The following TRPS1 variants were observed in gnomAD, a reference collection of about 807,000 sequenced individuals.
TRPS1 encodes the protein transcriptional repressor GATA binding 1, also known as zinc finger transcription factor Trps1.
TRPS1 carries 6 observed loss-of-function variants against 101.2 expected under a neutral mutation model. That is an observed-to-expected ratio of 0.06 (90% confidence interval 0.03 to 0.12). TRPS1 has a LOEUF of 0.12. TRPS1 is among the 10% of genes least tolerant of loss of function. The pLI is 1.00. For missense variants in TRPS1, 1,363 were observed against 1,567.0 expected (o/e 0.87, Z 2.20); for synonymous variants, 578 against 589.8 (o/e 0.98, Z 0.29).
chr8:115,447,549 TACAA>T, intron 5 of TRPS1, among the ~76,000 whole-genome samples: 1 of 152,268 alleles, frequency 6.6e-6, no homozygotes. Context: ...TAAATGTGAG[TACAA>T]ACAATTACCA....
At chr8:115,456,845 TA>T (rs1210693956) in intron 5 of TRPS1, among the ~76,000 whole-genome samples, 1 of 152,084 alleles carries the variant, frequency 6.6e-6, no homozygotes, top group Non-Finnish European at 1.5e-5. Context: ...AGAAATTTGC[TA>T]AAGAGAATGA....
chr8:115,486,372 G>A (rs1196957402), intron 5 of TRPS1, among the ~76,000 whole-genome samples: 1 of 152,092 alleles, frequency 6.6e-6, no homozygotes, highest in Non-Finnish European at 1.5e-5. Flanking sequence ...CCTGAGATAT[G>A]ACAATATTGA....
At chr8:115,650,183 T>C (rs183245637) in intron 1 of TRPS1, among the ~76,000 whole-genome samples, 1 of 152,362 alleles carries the variant, frequency 6.6e-6, no homozygotes, top group East Asian at 1.9e-4. Flanking sequence ...TGAAACTGTT[T>C]CTACTGTGGC....
intron 5 of TRPS1, among the ~76,000 whole-genome samples, chr8:115,486,343 T>C (rs1454289887): frequency 6.6e-6 from 1 of 152,168 alleles, no homozygotes; most frequent in Non-Finnish European, 1.5e-5. Context: ...TCTCTCCCTC[T>C]CCAAGGGTCT....
chr8:115,588,915 C>T (rs968442666), intron 4 of TRPS1, among the ~76,000 whole-genome samples: 2 of 152,152 alleles, frequency 1.3e-5, no homozygotes, highest in East Asian at 1.9e-4. Flanking sequence ...CTTAGAGTCT[C>T]GTCAGGAATG....
chr8:115,500,925 A>G (rs16887503), intron 5 of TRPS1, among the ~76,000 whole-genome samples: 5,575 of 152,206 alleles, frequency 0.037, 377 homozygotes, highest in African/African-American at 0.13. Context: ...ATTCTTGACA[A>G]TGATAAGGAA....
intron 1 of TRPS1, among the ~76,000 whole-genome samples, chr8:115,633,122 C>T (rs1818685890): frequency 6.6e-6 from 1 of 152,044 alleles, no homozygotes; most frequent in Admixed American, 6.6e-5. Flanking sequence ...GTCATTGACG[C>T]CTCAGGCTGA....
intron 5 of TRPS1, among the ~76,000 whole-genome samples, chr8:115,447,456 T>A (rs1490928980): frequency 6.6e-6 from 1 of 152,162 alleles, no homozygotes; most frequent in Non-Finnish European, 1.5e-5. Flanking sequence ...TAGAAGCTTA[T>A]AGGCTAATGA....
chr8:115,575,422 T>C (rs1817296016), intron 5 of TRPS1, among the ~76,000 whole-genome samples: 1 of 152,136 alleles, frequency 6.6e-6, no homozygotes, highest in African/African-American at 2.4e-5. Context: ...CATGTCTGAG[T>C]GTGCATGTGC....
intron 5 of TRPS1, among the ~76,000 whole-genome samples, chr8:115,439,518 T>C (rs780812890): frequency 6.6e-6 from 1 of 152,194 alleles, no homozygotes; most frequent in African/African-American, 2.4e-5. Flanking sequence ...TTAAAGTAAA[T>C]CACTGGTAAA....
At chr8:115,616,879 C>T (rs1353122511) in intron 3 of TRPS1, among the ~76,000 whole-genome samples, 1 of 152,258 alleles carries the variant, frequency 6.6e-6, no homozygotes, top group African/African-American at 2.4e-5. Context: ...ATTTCAGTAA[C>T]ATAAACTTGT....
chr8:115,578,100 G>A (rs1445319459), intron 5 of TRPS1, among the ~76,000 whole-genome samples: 1 of 152,154 alleles, frequency 6.6e-6, no homozygotes, highest in Non-Finnish European at 1.5e-5. Context: ...TACTGCATAT[G>A]CAATATAAAG....
intron 1 of TRPS1, among the ~76,000 whole-genome samples, chr8:115,657,743 G>C (rs1398751518): frequency 6.6e-6 from 1 of 152,036 alleles, no homozygotes; most frequent in African/African-American, 2.4e-5. Flanking sequence ...CACAGTTGGT[G>C]CTTATAATTG....
At chr8:115,546,434 A>C (rs1415845276) in intron 5 of TRPS1, among the ~76,000 whole-genome samples, 1 of 152,116 alleles carries the variant, frequency 6.6e-6, no homozygotes, top group Non-Finnish European at 1.5e-5. Flanking sequence ...AATTTCAAAG[A>C]TATAACAGTG....
At chr8:115,453,083 G>A (rs1485222266) in intron 5 of TRPS1, among the ~76,000 whole-genome samples, 2 of 151,582 alleles carry the variant, frequency 1.3e-5, no homozygotes, top group African/African-American at 2.4e-5. Flanking sequence ...GTACAGTGGC[G>A]CGATCTCGGC....
intron 5 of TRPS1, among the ~76,000 whole-genome samples, chr8:115,447,551 C>G (rs1019323547): frequency 6.6e-6 from 1 of 152,056 alleles, no homozygotes; most frequent in Non-Finnish European, 1.5e-5. Flanking sequence ...AATGTGAGTA[C>G]AAACAATTAC....
intron 5 of TRPS1, among the ~76,000 whole-genome samples, chr8:115,550,958 G>C (rs1816690481): frequency 6.6e-6 from 1 of 152,120 alleles, no homozygotes; most frequent in Non-Finnish European, 1.5e-5. Flanking sequence ...TTCAGGAAGG[G>C]CCTCTTCAAA....
rs1285329876 is a variant in TRPS1, at chr8:115,636,580, A to G, written c.-121-12822T>C. On this transcript the variant is annotated intron_variant, in intron 1 of 6. Transcript: ENST00000395715. ...CAGGAGGAGACATGATTTAGCACCA[A>G]AATGAGCAGTGTAAACAGTAAATTC... Among the ~76,000 whole-genome samples the G allele has an allele frequency of 3.3e-5, 5 of 152,218 alleles. No homozygotes were observed. The East Asian group carries it at 9.6e-4, about 29-fold the overall frequency.
intron 5 of TRPS1, among the ~76,000 whole-genome samples, chr8:115,581,133 T>A (rs1237388520): frequency 6.6e-6 from 1 of 151,324 alleles, no homozygotes; most frequent in Non-Finnish European, 1.5e-5. Flanking sequence ...TTATTTTAAG[T>A]GAAATAAGCC....
Sources: gnomAD v4.1 joint callset for allele counts (sites outside exome capture counted in the v4.1 genomes callset) on GRCh38, gnomAD v4.1.1 for gene constraint, MANE v1.5 for transcripts, NCBI Gene and HGNC (gene_info 2026-07-23, HGNC 2026-07-21) for gene names.